NOS1AP: variants seen among roughly 807,000 people sequenced by gnomAD.
NOS1AP encodes the protein nitric oxide synthase 1 adaptor protein.
NOS1AP carries 21 observed loss-of-function variants against 56.2 expected under a neutral mutation model. The ratio of observed to expected loss-of-function variants is 0.37; its 90% CI spans 0.26 to 0.54. The LOEUF (loss-of-function observed/expected upper bound fraction) is 0.54. Ranked by LOEUF, NOS1AP falls within the 20% of genes least tolerant of loss-of-function variation. The probability of loss-of-function intolerance (pLI) is 0.84; values close to 1 mark genes in which losing one functional copy is unlikely to be tolerated. For synonymous variants in NOS1AP, 270 were observed against 274.6 expected, an observed-to-expected ratio of 0.98 and a Z score of 0.17; for missense variants, 522 against 657.8, an observed-to-expected ratio of 0.79 and a Z score of 2.26.
chr1:162,310,022 T>C (rs1655972474), intron 4 of NOS1AP, among the ~76,000 whole-genome samples: 1 of 152,296 alleles, frequency 6.6e-6, no homozygotes, highest in South Asian at 2.1e-4. Flanking sequence ...AAGGATATCT[T>C]TAAGATACCT....
At chr1:162,165,329 A>G (rs963292585) in intron 2 of NOS1AP, among the ~76,000 whole-genome samples, 5 of 152,182 alleles carry the variant, frequency 3.3e-5, no homozygotes, top group Admixed American at 2.6e-4. Flanking sequence ...CAAAAAAAAA[A>G]GAAAGACTTC....
chr1:162,248,484 G>A (rs1444555484), intron 2 of NOS1AP, among the ~76,000 whole-genome samples: 1 of 151,986 alleles, frequency 6.6e-6, no homozygotes, highest in Non-Finnish European at 1.5e-5. Flanking sequence ...CTCTTTAATG[G>A]CAGTGGCTAT....
chr1:162,365,091 T>TGC, intron 8 of NOS1AP: 2 of 1,336,360 alleles, frequency 1.5e-6, no homozygotes, highest in Non-Finnish European at 9.6e-7. Context: ...CGTGTGTGTG[T>TGC]ACGTGTGTGT....
intron 1 of NOS1AP, among the ~76,000 whole-genome samples, chr1:162,099,785 C>T (rs1692337562): frequency 1.3e-5 from 2 of 152,020 alleles, no homozygotes; most frequent in Admixed American, 6.6e-5. Flanking sequence ...CTCCCCACTC[C>T]CCCGACCCCA....
intron 2 of NOS1AP, among the ~76,000 whole-genome samples, chr1:162,270,090 A>G (rs1362163292): frequency 6.6e-6 from 1 of 152,212 alleles, no homozygotes; most frequent in Non-Finnish European, 1.5e-5. Flanking sequence ...CTAGTCAGGG[A>G]CCTGCCCACT....
intron 2 of NOS1AP, among the ~76,000 whole-genome samples, chr1:162,205,788 C>A (rs188657142): frequency 2.0e-4 from 31 of 152,254 alleles, no homozygotes; most frequent in South Asian, 4.2e-4. Flanking sequence ...ATTCTGAACC[C>A]TGTAGACCTT....
At chr1:162,312,069 A>C (rs1418914198) in intron 4 of NOS1AP, among the ~76,000 whole-genome samples, 4 of 147,486 alleles carry the variant, frequency 2.7e-5, no homozygotes, top group Admixed American at 1.3e-4. Context: ...TTATAGCAGC[A>C]TGATTTATAG....
At chr1:162,365,119 G>T (rs1658035150) in intron 8 of NOS1AP, 1 of 1,379,074 alleles carries the variant, frequency 7.3e-7, no homozygotes, top group African/African-American at 1.5e-5. Flanking sequence ...AGGTCTAGAG[G>T]GTCGATGGCT....
At chr1:162,154,590 A>G (rs1649854640) in intron 2 of NOS1AP, 114 bp downstream of exon 2, 4 of 830,880 alleles carry the variant, frequency 4.8e-6, no homozygotes, top group Non-Finnish European at 8.1e-6. Flanking sequence ...TGCAAACCCA[A>G]ACTCCTCCTC....
At chr1:162,119,835 A>T (rs1168256016) in intron 1 of NOS1AP, among the ~76,000 whole-genome samples, 1 of 152,188 alleles carries the variant, frequency 6.6e-6, no homozygotes, top group African/African-American at 2.4e-5. Context: ...GGAATTGCGT[A>T]GAATCGTCCT....
intron 2 of NOS1AP, among the ~76,000 whole-genome samples, chr1:162,256,154 GA>G (rs957338341): frequency 2.6e-4 from 36 of 140,430 alleles, no homozygotes; most frequent in East Asian, 2.5e-3. Flanking sequence ...AAGAAGAAAA[GA>G]AAAAAAAAAA....
intron 1 of NOS1AP, among the ~76,000 whole-genome samples, chr1:162,121,089 T>A (rs565392396): frequency 6.7e-6 from 1 of 149,202 alleles, no homozygotes; most frequent in East Asian, 2.0e-4. Flanking sequence ...AGGATTTTTT[T>A]TTTTTTTTTT....
At chr1:162,071,921 A>G (rs1302426138) in intron 1 of NOS1AP, among the ~76,000 whole-genome samples, 1 of 152,170 alleles carries the variant, frequency 6.6e-6, no homozygotes, top group African/African-American at 2.4e-5. Context: ...AAGGCTAAGC[A>G]TGGTGGCTAT....
intron 2 of NOS1AP, among the ~76,000 whole-genome samples, chr1:162,173,251 C>T (rs1227454089): frequency 6.6e-6 from 1 of 152,142 alleles, no homozygotes; most frequent in East Asian, 1.9e-4. Flanking sequence ...CTGCCTCAGC[C>T]TCCCAAAGTG....
intron 1 of NOS1AP, among the ~76,000 whole-genome samples, chr1:162,123,776 C>T (rs1648354123): frequency 6.6e-6 from 1 of 152,182 alleles, no homozygotes; most frequent in Admixed American, 6.5e-5. Flanking sequence ...TTGATCCCTT[C>T]ATCTATCTAT....
chr1:162,145,917 C>G (rs1177733216), intron 1 of NOS1AP, among the ~76,000 whole-genome samples: 1 of 152,152 alleles, frequency 6.6e-6, no homozygotes, highest in East Asian at 1.9e-4. Flanking sequence ...ATGCAGGGGT[C>G]CTAGACTAGA....
At chr1:162,112,278 G>A (rs1231366275) in intron 1 of NOS1AP, among the ~76,000 whole-genome samples, 2 of 152,336 alleles carry the variant, frequency 1.3e-5, no homozygotes, top group East Asian at 3.9e-4. Flanking sequence ...GCCAACAAAA[G>A]TACCATATAT....
intron 8 of NOS1AP, among the ~76,000 whole-genome samples, chr1:162,359,488 C>G (rs992900657): frequency 6.6e-6 from 1 of 152,250 alleles, no homozygotes; most frequent in African/African-American, 2.4e-5. Flanking sequence ...TTCAGCTCTC[C>G]TGTCCTGCAG....
intron 1 of NOS1AP, among the ~76,000 whole-genome samples, chr1:162,114,453 A>G (rs1162323058): frequency 1.3e-5 from 2 of 152,072 alleles, no homozygotes; most frequent in Non-Finnish European, 2.9e-5. Flanking sequence ...GCTCACATAT[A>G]TTATCTTGGA....
Sources: allele counts gnomAD v4.1 joint callset (sites outside exome capture counted in the v4.1 genomes callset), GRCh38; gene constraint gnomAD v4.1.1; transcripts MANE v1.5; gene names NCBI Gene and HGNC (gene_info 2026-07-23, HGNC 2026-07-21).